The following WLS variants were observed in gnomAD, a reference collection of about 807,000 sequenced individuals.
The protein encoded by WLS is Wnt ligand secretion mediator, also known as protein wntless homolog.
WLS carries 23 observed loss-of-function variants against 62.8 expected under a neutral mutation model. The observed-to-expected ratio is 0.37, with a 90% confidence interval of 0.26 to 0.52. WLS has a LOEUF of 0.52. Ranked by LOEUF, WLS falls within the 20% of genes least tolerant of loss-of-function variation. The pLI is 0.92. For missense variants in WLS, 615 were observed against 697.3 expected (o/e 0.88, Z 1.33); for synonymous variants, 246 against 244.1 (o/e 1.01, Z -0.07).
chr1:68,109,009 C>A (rs1243452944), intron 11 of WLS, among the ~76,000 whole-genome samples: 2 of 152,124 alleles, frequency 1.3e-5, no homozygotes, highest in African/African-American at 4.8e-5. Flanking sequence ...ATAAAGACAA[C>A]CTGACAAAGT....
At chr1:68,222,901 TGGGGTGGGGGTG>T (rs1223326833) in intron 1 of WLS, among the ~76,000 whole-genome samples, 4 of 3,222 alleles carry the variant, frequency 1.2e-3, no homozygotes, top group Non-Finnish European at 3.0e-3. Flanking sequence ...TGCCAAGGTG[TGGGGTGGGGGTG>T]GGGGTGGGGG....
intron 11 of WLS, chr1:68,099,649 C>T (rs145084991): frequency 1.3e-5 from 2 of 152,290 alleles, no homozygotes; most frequent in East Asian, 1.9e-4. Flanking sequence ...ATACCTAATA[C>T]AATATAAAGG....
chr1:68,213,424 C>T (rs1649599020), intron 1 of WLS, among the ~76,000 whole-genome samples: 2 of 137,380 alleles, frequency 1.5e-5, no homozygotes, highest in South Asian at 4.5e-4. Context: ...GCTCTCCAGA[C>T]TGGGCAACAA....
chr1:68,144,767 A>C, intron 9 of WLS, 115 bp from the exon 10 acceptor site: 1 of 797,948 alleles, frequency 1.3e-6, no homozygotes, highest in Non-Finnish European at 1.9e-6. Flanking sequence ...ATCCCTAAGA[A>C]TGACAGTAAA....
chr1:68,161,692 A>G lies in WLS; in HGVS notation c.380-2445T>C. ...CATCATATTCTTTTTCTCTTAGTTC[A>G]TCATTTTTCACTATCTCTTGGTCCC... On this transcript the variant is annotated intron_variant, in intron 2 of 11. Coordinates refer to ENST00000262348, the MANE Select transcript of WLS (RefSeq NM_024911.7). 3 of 1,215,396 alleles carry G rather than the reference A, an allele frequency of 2.5e-6. No individual in the cohort carries two copies. The South Asian group carries it at 4.0e-5, about 16-fold the overall frequency. 75.3% of individuals were successfully genotyped at this position (1,215,396 alleles called of 1,614,324 possible). A position where few individuals can be genotyped will look rare whatever the true frequency, so the allele number is the denominator to read the frequency against.
intron 8 of WLS, 117 bp downstream of exon 8, chr1:68,148,019 G>T: frequency 9.3e-7 from 1 of 1,071,070 alleles, no homozygotes; most frequent in Non-Finnish European, 1.4e-6. Context: ...ATTGGCCTGA[G>T]AATCAAAGCC....
rs562351130 is a variant in WLS, at chr1:68,116,167, GAGC to G, written c.1511-17417_1511-17415del. ...CACAGGACCTTACAATAGGGACCAG[GAGC>G]AGCAGCTCGGAGATTCAGGCCGCCT... On this transcript the variant is annotated intron_variant, in intron 11 of 11. Coordinates refer to the WLS transcript ENST00000354777. Among the ~76,000 whole-genome samples, 16 of 152,326 alleles carry G rather than the reference GAGC, an allele frequency of 1.1e-4. 1 individual carries two copies. The South Asian group carries it at 3.3e-3, about 32-fold the overall frequency.
intron 1 of WLS, among the ~76,000 whole-genome samples, chr1:68,195,697 G>A (rs1282230783): frequency 1.3e-5 from 2 of 151,946 alleles, no homozygotes; most frequent in Non-Finnish European, 2.9e-5. Context: ...GATCTTATAT[G>A]GAATCCCTCT....
intron 2 of WLS, among the ~76,000 whole-genome samples, chr1:68,168,917 C>G (rs1458698676): frequency 6.6e-6 from 1 of 152,212 alleles, no homozygotes; most frequent in African/African-American, 2.4e-5. Context: ...ATGGTTAGGT[C>G]TGGCAAAAAT....
rs1296585834 is a variant in WLS, at chr1:68,137,665, G to A, written c.1516+115C>T. ...CATTCACCGTCTCCCAGTGTGAGGA[G>A]TATACTTGGAGGGAAAGTTTCACTG... On this transcript the variant is annotated intron_variant, in intron 11 of 11. Coordinates refer to ENST00000262348, the MANE Select transcript of WLS (RefSeq NM_024911.7). The A allele has an allele frequency of 4.1e-6, 5 of 1,229,074 alleles. No homozygotes were observed. In the East Asian group the frequency reaches 1.2e-4, roughly 29 times the overall value. 76.1% of individuals were successfully genotyped at this position (1,229,074 alleles called of 1,614,324 possible).
intron 1 of WLS, among the ~76,000 whole-genome samples, chr1:68,222,220 G>A (rs1253760432): frequency 6.6e-6 from 1 of 152,136 alleles, no homozygotes; most frequent in Non-Finnish European, 1.5e-5. Flanking sequence ...TGGTTTTGGT[G>A]TGTGTTTTTT....
intron 11 of WLS, among the ~76,000 whole-genome samples, chr1:68,132,630 G>A (rs943688440): frequency 2.0e-5 from 3 of 152,202 alleles, no homozygotes; most frequent in Non-Finnish European, 4.4e-5. Flanking sequence ...GGGTGCATTA[G>A]ACAGAAAATG....
intron 8 of WLS, among the ~76,000 whole-genome samples, chr1:68,146,485 G>T (rs746368039): frequency 2.0e-5 from 3 of 152,162 alleles, no homozygotes; most frequent in African/African-American, 7.2e-5. Context: ...ATATTCCAGG[G>T]CTAGGACATC....
intron 11 of WLS, chr1:68,098,851 T>A (rs1023671607): frequency 6.9e-7 from 1 of 1,454,304 alleles, no homozygotes; most frequent in African/African-American, 1.4e-5. Flanking sequence ...CTATAAAAAT[T>A]TTTACCTACA....
chr1:68,111,008 T>C (rs1414643912), intron 11 of WLS, among the ~76,000 whole-genome samples: 1 of 152,164 alleles, frequency 6.6e-6, no homozygotes, highest in Non-Finnish European at 1.5e-5. Flanking sequence ...AAGACACAAG[T>C]ACCCATTAAA....
At chr1:68,212,819 C>T (rs1649568856) in intron 1 of WLS, among the ~76,000 whole-genome samples, 1 of 152,194 alleles carries the variant, frequency 6.6e-6, no homozygotes, top group Non-Finnish European at 1.5e-5. Flanking sequence ...GACTAGGTCT[C>T]ATAGCTGGCA....
At chr1:68,106,043 T>C (rs780144978) in intron 11 of WLS, among the ~76,000 whole-genome samples, 29 of 152,066 alleles carry the variant, frequency 1.9e-4, no homozygotes, top group African/African-American at 6.0e-4. Context: ...AGTGTTAATA[T>C]GAAAAATCAA....
At chr1:68,112,149 A>T (rs1646236199) in intron 11 of WLS, among the ~76,000 whole-genome samples, 1 of 152,212 alleles carries the variant, frequency 6.6e-6, no homozygotes, top group Non-Finnish European at 1.5e-5. Context: ...GACAGAGAAG[A>T]AGTCCCTCTG....
intron 11 of WLS, among the ~76,000 whole-genome samples, chr1:68,133,006 G>A (rs1646549317): frequency 6.6e-6 from 1 of 151,796 alleles, no homozygotes; most frequent in Non-Finnish European, 1.5e-5. Context: ...TCACAAATTG[G>A]TTATGGCAAC....
Sources: gnomAD v4.1 joint callset for allele counts (sites outside exome capture counted in the v4.1 genomes callset) on GRCh38, gnomAD v4.1.1 for gene constraint, MANE v1.5 for transcripts, NCBI Gene and HGNC (gene_info 2026-07-23, HGNC 2026-07-21) for gene names.